The following AATK variants were observed in gnomAD, a reference collection of about 807,000 sequenced individuals.
AATK encodes the protein lemur tail kinase 1, also known as serine/threonine-protein kinase LMTK1.
AATK carries 91 observed loss-of-function variants against 114.3 expected under a neutral mutation model. The observed-to-expected ratio is 0.80, with a 90% confidence interval of 0.67 to 0.95. The LOEUF (loss-of-function observed/expected upper bound fraction) is 0.95. AATK is among the 40% of genes least tolerant of loss of function. The pLI is 0.00. For synonymous variants in AATK, 1,075 were observed against 916.5 expected, an observed-to-expected ratio of 1.17 and a Z score of -3.12; for missense variants, 2,176 against 1,965.2, an observed-to-expected ratio of 1.11 and a Z score of -2.03.
chr17:81,145,446 G>A (rs886226867), intron 1 of AATK, among the ~76,000 whole-genome samples: 3 of 151,526 alleles, frequency 2.0e-5, no homozygotes, highest in Non-Finnish European at 4.4e-5. Context: ...AAAAATGTCT[G>A]TTCCGGCTGG....
chr17:81,128,351 C>T, intron 4 of AATK, 119 bp downstream of exon 4: 1 of 1,269,756 alleles, frequency 7.9e-7, no homozygotes, highest in South Asian at 1.3e-5. Flanking sequence ...TCCAGCAGGG[C>T]CCAGAGACTG....
rs2060696218 is a variant in AATK, at chr17:81,121,251, C to G, written c.2685G>C (p.Lys895Asn). The G allele has an allele frequency of 1.9e-6, 3 of 1,609,472 alleles. No homozygotes were observed. The highest frequency in any genetic ancestry group is 2.5e-6 in the Non-Finnish European group (3 of 1,178,504). ...DVVPAFRSLQ[K>N]QVGTPDSLDS... ...CCAGGGAGTCGGGGGTCCCCACCTG[C>G]TTCTGCAGAGAGCGGAAGGCTGGCA... Residue 895 changes from lysine to asparagine, a missense_variant, in exon 11 of 14, where the codon AAG (lysine) becomes AAC (asparagine). By Grantham distance (94) the Lys-to-Asn change is moderately conservative. Around this residue, in one of 4 missense-constraint regions of AATK, gnomAD observed 1,701 missense variants for 1,394.7 expected, o/e 1.22. Coordinates refer to ENST00000326724, the MANE Select transcript of AATK (RefSeq NM_001080395.3).
intron 1 of AATK, among the ~76,000 whole-genome samples, chr17:81,135,341 G>C (rs919100949): frequency 3.3e-5 from 5 of 152,168 alleles, no homozygotes; most frequent in African/African-American, 1.2e-4. Context: ...CCCCTGGGCA[G>C]GGGAGGGCAC....
In AATK at chr17:81,118,398, G is replaced by A; in HGVS notation, c.*4C>T. 1 of 1,605,880 alleles carries A rather than the reference G, an allele frequency of 6.2e-7. No homozygotes were observed. Among genetic ancestry groups the A allele is most frequent in the African/African-American group, 1.3e-5 (1 of 74,770 alleles). On this transcript the variant is annotated 3_prime_UTR_variant, in exon 14 of 14. Transcript: ENST00000326724. The stretch of plus-strand genomic sequence containing the variant: ...AGCCTTGAGGGGCAGGAGCTGCCCA[G>A]GTCTCAAGCCTCTTTACTCTCACCC...
chr17:81,149,803 G>A (rs556125248), intron 1 of AATK, among the ~76,000 whole-genome samples: 4 of 152,240 alleles, frequency 2.6e-5, no homozygotes, highest in Non-Finnish European at 4.4e-5. Flanking sequence ...AGGAACCCCC[G>A]CTGCAACGGC....
At chr17:81,142,836 C>T (rs1285114402) in intron 1 of AATK, among the ~76,000 whole-genome samples, 1 of 149,512 alleles carries the variant, frequency 6.7e-6, no homozygotes, top group South Asian at 2.2e-4. Context: ...TGACTTGTAA[C>T]CACCCTATCC....
chr17:81,158,829 GC>G (rs2061397620), intron 1 of AATK, among the ~76,000 whole-genome samples: 1 of 152,210 alleles, frequency 6.6e-6, no homozygotes, highest in Admixed American at 6.5e-5. Context: ...GGGAGGGGAA[GC>G]CATGGAGGCG....
In AATK at chr17:81,152,026, G is replaced by A. The variant is rs1489486942; in HGVS notation, c.55+13912C>T. 2.0e-5 allele frequency among the ~76,000 whole-genome samples: 3 copies of A among 152,334 alleles called. No homozygotes were observed. In the East Asian group the frequency reaches 5.8e-4, roughly 29 times the overall value. On this transcript the variant is annotated intron_variant, in intron 1 of 13. Coordinates refer to ENST00000326724, the MANE Select transcript of AATK (RefSeq NM_001080395.3). ...ACAGTGGCTCCCGCCTGTCATCCCAGCACTTTGGGAGGCTGAGGTGGGCGG... is the reference window on the plus strand; with the variant it reads ...ACAGTGGCTCCCGCCTGTCATCCCAACACTTTGGGAGGCTGAGGTGGGCGG...
At chr17:81,165,599 C>G in intron 1 of AATK, 1 of 1,386,388 alleles carries the variant, frequency 7.2e-7, no homozygotes, top group Non-Finnish European at 9.6e-7. Context: ...GGCTGACACC[C>G]CCCACACCCC....
chr17:81,127,258 G>A (rs2060851889), intron 6 of AATK, among the ~76,000 whole-genome samples: 1 of 150,056 alleles, frequency 6.7e-6, no homozygotes, highest in Admixed American at 6.6e-5. Flanking sequence ...GAGCCCAAGT[G>A]GGCCAGTGCC....
intron 1 of AATK, among the ~76,000 whole-genome samples, chr17:81,157,617 G>T (rs1378081234): frequency 6.6e-6 from 1 of 152,220 alleles, no homozygotes; most frequent in Non-Finnish European, 1.5e-5. Context: ...AGTTCCACCA[G>T]CTGGACACTC....
intron 12 of AATK, 52 bp downstream of exon 12, chr17:81,119,884 G>A (rs967153475): frequency 6.4e-6 from 9 of 1,403,098 alleles, no homozygotes; most frequent in Non-Finnish European, 8.3e-6. Flanking sequence ...ACACAGCACG[G>A]ACCAGGCCCT....
At position 81,162,164 on chromosome 17, in the gene AATK, A is replaced by G. The variant is rs975030865; in HGVS notation, c.55+3774T>C. 2.0e-4 allele frequency among the ~76,000 whole-genome samples: 31 copies of G among 151,862 alleles called. 1 individual carries two copies. Among genetic ancestry groups the G allele is most frequent in the African/African-American group, 6.5e-4 (27 of 41,380 alleles). ...GGAGCCGGACCCGTGCCCAGGGCCC[A>G]CGGCCTGCGTGTGACCGCTCCCCAA... is the stretch of plus-strand genomic sequence containing the variant. On this transcript the variant is annotated intron_variant, in intron 1 of 13. Transcript: ENST00000326724.
At chr17:81,148,284 C>T (rs933749006) in intron 1 of AATK, among the ~76,000 whole-genome samples, 8 of 152,314 alleles carry the variant, frequency 5.3e-5, no homozygotes, top group Middle Eastern at 6.8e-3. Context: ...TACAGAGCCG[C>T]GCTGGACGCA....
In AATK at chr17:81,165,938, C is replaced by T. The variant is rs868164802; in HGVS notation, c.55G>A (p.Asp19Asn). ...GCAGGCCGGGCCGCCAGGGACTCAC[C>T]GGGGTCGAAGTGCGAGCTGAAGGCG... ...SFAFSSHFDP[D>N]GAPLSELSWP... Residue 19 changes from aspartate (D) to asparagine (N), a missense_variant and splice_region_variant, in exon 1 of 14, where the codon GAC (aspartate) becomes AAC (asparagine). Around this residue, in one of 4 missense-constraint regions of AATK, gnomAD observed 178 missense variants for 175.4 expected, o/e 1.01. Coordinates refer to ENST00000326724, the MANE Select transcript of AATK (RefSeq NM_001080395.3). 4 of 1,580,202 alleles carry T rather than the reference C, an allele frequency of 2.5e-6. No individual in the cohort carries two copies. Among genetic ancestry groups the T allele is most frequent in the African/African-American group, 1.4e-5 (1 of 73,952 alleles).
At chr17:81,137,997 C>T (rs1302478492) in intron 1 of AATK, among the ~76,000 whole-genome samples, 8 of 151,494 alleles carry the variant, frequency 5.3e-5, no homozygotes, top group Non-Finnish European at 7.4e-5. Context: ...TGCACACACC[C>T]CCACACACGT....
chr17:81,126,647 C>T lies in AATK; in HGVS notation c.622-87G>A, dbSNP rs1314871160. The T allele has an allele frequency of 1.4e-6, 2 of 1,477,944 alleles. No individual in the cohort carries two copies. The highest frequency in any genetic ancestry group is 1.8e-6 in the Non-Finnish European group (2 of 1,108,244). 91.6% of individuals were successfully genotyped at this position (1,477,944 alleles called of 1,614,324 possible). ...CCCACCTACCTCCCCAACTCCTCCA[C>T]CCCTACCCACAGCTGAGGGACAGCA... On this transcript the variant is annotated intron_variant, in intron 6 of 13. Coordinates refer to ENST00000326724, the MANE Select transcript of AATK (RefSeq NM_001080395.3). The surrounding 1 kb of genome is among the most constrained non-coding windows in gnomAD (Gnocchi z 5.1).
intron 1 of AATK, chr17:81,160,171 A>G (rs755204325): frequency 5.1e-4 from 415 of 809,420 alleles, no homozygotes; most frequent in Non-Finnish European, 6.0e-4. Flanking sequence ...TCTCCTGGCC[A>G]CGGCCCCCAC....
intron 10 of AATK, 91 bp downstream of exon 10, chr17:81,123,103 C>G: frequency 7.5e-7 from 1 of 1,326,990 alleles, no homozygotes; most frequent in Non-Finnish European, 9.7e-7. Context: ...AGGGCTGGAA[C>G]GCCAGGGGGT....
Sources: gnomAD v4.1 joint callset for allele counts (sites outside exome capture counted in the v4.1 genomes callset) on GRCh38, gnomAD v4.1.1 for gene constraint, gnomAD v4.1.1 regional missense constraint, Gnocchi (gnomAD v3.1) non-coding constraint, MANE v1.5 for transcripts, NCBI Gene and HGNC (gene_info 2026-07-23, HGNC 2026-07-21) for gene names.